The following ZFAND4 variants were observed in gnomAD, a reference collection of about 807,000 sequenced individuals.
ZFAND4 encodes the protein AN1-type zinc finger protein 4.
ZFAND4 carries 43 observed loss-of-function variants against 64.4 expected under a neutral mutation model. The observed-to-expected ratio is 0.67, with a 90% CI of 0.52 to 0.86. The LOEUF is 0.86. Among genes scored for constraint, ZFAND4 ranks in the 40% least tolerant of loss-of-function variants. The pLI is 0.00. For missense variants in ZFAND4, 929 were observed against 859.8 expected (o/e 1.08, Z -1.01); for synonymous variants, 296 against 305.7 (o/e 0.97, Z 0.33).
Position 45,648,635 on chromosome 10 carries a change from G to A in ZFAND4, c.329-101C>T, listed in dbSNP as rs923461013. 42 of 1,263,526 alleles carry A rather than the reference G, an allele frequency of 3.3e-5. 1 individual carries two copies. The Admixed American group carries it at 1.2e-3, about 36-fold the overall frequency. 78.3% of individuals were successfully genotyped at this position (1,263,526 alleles called of 1,614,324 possible). A position where few individuals can be genotyped will look rare whatever the true frequency, so the allele number is the denominator to read the frequency against. On this transcript the variant is annotated intron_variant, in intron 4 of 9. Coordinates refer to ENST00000344646, the MANE Select transcript of ZFAND4 (RefSeq NM_174890.4). Reference sequence around the variant, plus strand: ...TATACTGAATTTGAACAACAGTCCTGTGCATATAATATAAACATGATATTC... The same window carrying A: ...TATACTGAATTTGAACAACAGTCCTATGCATATAATATAAACATGATATTC...
In ZFAND4 at chr10:45,670,441, T is replaced by C. The variant is rs1433322499; in HGVS notation, c.-118+1809A>G. On this transcript the variant is annotated intron_variant, in intron 1 of 9. Transcript: ENST00000344646. Reference sequence around the variant, plus strand: ...ATTTCTCCCAACAGGGGTTTCTCCATGTTCGTCAGGCTGGTCTCAAACTCT... The same window carrying C: ...ATTTCTCCCAACAGGGGTTTCTCCACGTTCGTCAGGCTGGTCTCAAACTCT... 3.3e-5 allele frequency among the ~76,000 whole-genome samples: 5 copies of C among 152,282 alleles called. No homozygotes were observed. In the East Asian group the frequency reaches 9.6e-4, roughly 29 times the overall value.
At chr10:45,623,284 T>A (rs996385759) in intron 8 of ZFAND4, among the ~76,000 whole-genome samples, 1 of 152,214 alleles carries the variant, frequency 6.6e-6, no homozygotes, top group Non-Finnish European at 1.5e-5. Flanking sequence ...TTCTAAAGAA[T>A]TGAAAGTAGT....
chr10:45,640,638 G>A (rs2046931447), intron 5 of ZFAND4, among the ~76,000 whole-genome samples: 1 of 152,004 alleles, frequency 6.6e-6, no homozygotes, highest in Non-Finnish European at 1.5e-5. Flanking sequence ...CTACAGGTGT[G>A]TGCCACCATG....
Position 45,626,693 on chromosome 10 carries a change from C to T in ZFAND4, c.1130G>A (p.Ser377Asn). The T allele has an allele frequency of 6.2e-7, 1 of 1,614,224 alleles. No individual in the cohort carries two copies. The highest frequency in any genetic ancestry group is 1.7e-5 in the Admixed American group (1 of 60,026). ...TKHFLGNLPSSNGNIVLPSEE... is the reference protein window; with the variant it reads ...TKHFLGNLPSNNGNIVLPSEE... ...TGAAGGTAAGACAATGTTCCCATTACTAGATGGCAAGTTTCCTAAAAAATG... is the reference window on the plus strand; with the variant it reads ...TGAAGGTAAGACAATGTTCCCATTATTAGATGGCAAGTTTCCTAAAAAATG... The change falls in exon 7 of 10, where the codon AGT becomes AAT. Residue 377 changes from serine to asparagine, a missense_variant. By Grantham distance (46) the Ser-to-Asn change is conservative. Coordinates refer to ENST00000344646, the MANE Select transcript of ZFAND4 (RefSeq NM_174890.4).
chr10:45,638,200 T>C (rs1011825495), intron 6 of ZFAND4, among the ~76,000 whole-genome samples: 22 of 151,808 alleles, frequency 1.4e-4, no homozygotes, highest in African/African-American at 2.9e-4. Flanking sequence ...CTTGGCAAAA[T>C]TGGCCGGGCG....
At chr10:45,629,357 G>A (rs1233473674) in intron 6 of ZFAND4, among the ~76,000 whole-genome samples, 6 of 151,946 alleles carry the variant, frequency 3.9e-5, no homozygotes, top group African/African-American at 7.3e-5. Context: ...CCACCACACC[G>A]GGCATTAAAG....
At chr10:45,622,072 T>C (rs1025170278) in intron 8 of ZFAND4, among the ~76,000 whole-genome samples, 3 of 152,172 alleles carry the variant, frequency 2.0e-5, no homozygotes, top group East Asian at 3.9e-4. Context: ...GACAGAGTTA[T>C]GTGTCAACGA....
intron 7 of ZFAND4, 134 bp from the exon 8 acceptor site, chr10:45,624,771 G>C (rs867036393): frequency 4.1e-6 from 3 of 732,482 alleles, no homozygotes. Flanking sequence ...TCCAATTTTT[G>C]TTTAATTAAA....
At chr10:45,664,338 G>A (rs943117933) in intron 1 of ZFAND4, among the ~76,000 whole-genome samples, 2 of 149,762 alleles carry the variant, frequency 1.3e-5, no homozygotes, top group African/African-American at 4.9e-5. Context: ...GCACAATCTC[G>A]GCTCACTGCA....
intron 5 of ZFAND4, among the ~76,000 whole-genome samples, chr10:45,643,497 C>T (rs189495632): frequency 0.026 from 3,938 of 151,202 alleles, 171 homozygotes; most frequent in African/African-American, 0.088. Context: ...GGTGAAACCC[C>T]GTCTCTGCTA....
Position 45,616,598 on chromosome 10 carries a change from A to G in ZFAND4, c.2049-27T>C, listed in dbSNP as rs1222036073. ...TAAAGCACAAAAAAAGTTTACGTGA[A>G]TAGTTGTATTTCTATGAAAGGCTCA... On this transcript the variant is annotated intron_variant, in intron 9 of 9. Transcript: ENST00000344646. 5 of 1,613,238 alleles carry G rather than the reference A, an allele frequency of 3.1e-6. No homozygotes were observed. The South Asian group carries it at 3.3e-5, about 11-fold the overall frequency.
chr10:45,640,521 C>A (rs772218453), intron 5 of ZFAND4: 21 of 917,656 alleles, frequency 2.3e-5, no homozygotes, highest in Non-Finnish European at 2.9e-5. Flanking sequence ...GAGACAGTCT[C>A]ACTCTTGTCG....
At chr10:45,671,501 TAA>T (rs56934216) in intron 1 of ZFAND4, among the ~76,000 whole-genome samples, 1 of 151,818 alleles carries the variant, frequency 6.6e-6, no homozygotes, top group African/African-American at 2.4e-5. Flanking sequence ...TATGCAGCCA[TAA>T]AAAAAGGATG....
At chr10:45,663,169 T>A (rs1338478710) in intron 2 of ZFAND4, among the ~76,000 whole-genome samples, 3 of 146,802 alleles carry the variant, frequency 2.0e-5, no homozygotes, top group African/African-American at 7.5e-5. Flanking sequence ...GGAAATAAGG[T>A]CCCTAGAAGG....
rs190852001 is a variant in ZFAND4 at position 45,656,783 on chromosome 10, G to A, written c.185-3724C>T. ...GGAGGTAATTAGGTCATGAGGGTAG[G>A]GTCCTCAAGAATGGGATTAGTGTCC... On this transcript the variant is annotated intron_variant, in intron 2 of 9. Coordinates refer to ENST00000344646, the MANE Select transcript of ZFAND4 (RefSeq NM_174890.4). Among the ~76,000 whole-genome samples, 229 of 152,038 alleles carry A rather than the reference G, an allele frequency of 1.5e-3. 1 individual carries two copies. Among genetic ancestry groups the A allele is most frequent in the African/African-American group, 4.1e-3 (171 of 41,464 alleles).
At chr10:45,659,235 C>T (rs991941580) in intron 2 of ZFAND4, among the ~76,000 whole-genome samples, 1 of 152,202 alleles carries the variant, frequency 6.6e-6, no homozygotes, top group Admixed American at 6.5e-5. Flanking sequence ...CCTAGAGGCA[C>T]AGGCCCACTG....
chr10:45,637,987 T>G (rs1220864086), intron 6 of ZFAND4, among the ~76,000 whole-genome samples: 1 of 152,056 alleles, frequency 6.6e-6, no homozygotes, highest in African/African-American at 2.4e-5. Context: ...GAACAGGCAC[T>G]TCACATAAAA....
intron 2 of ZFAND4, among the ~76,000 whole-genome samples, chr10:45,657,184 T>G (rs1008786210): frequency 6.6e-6 from 1 of 151,932 alleles, no homozygotes; most frequent in Non-Finnish European, 1.5e-5. Flanking sequence ...CAGAAAAAAT[T>G]TTTGTATTTT....
rs2045918782 is a variant in ZFAND4 at position 45,627,513 on chromosome 10, A to G, written c.718-408T>C. On this transcript the variant is annotated intron_variant, in intron 6 of 9. Transcript: ENST00000344646. ...TCCTAAAAAAAAAAAAAAAGTTAAA[A>G]GGGCTAAACTGCTATCCTTGAAAAG... Among the ~76,000 whole-genome samples, 5 of 152,142 alleles carry G rather than the reference A, an allele frequency of 3.3e-5. No individual in the cohort carries two copies. The South Asian group carries it at 1.0e-3, about 32-fold the overall frequency.
Sources: allele counts gnomAD v4.1 joint callset (sites outside exome capture counted in the v4.1 genomes callset), GRCh38; gene constraint gnomAD v4.1.1; transcripts MANE v1.5; gene names NCBI Gene and HGNC (gene_info 2026-07-23, HGNC 2026-07-21).